Variants in PER3 observed in about 807,000 individuals in gnomAD.
PER3 encodes period circadian protein homolog 3.
In PER3, 107 loss-of-function variants were observed where a neutral mutation model predicts 127.2. That is an observed-to-expected ratio of 0.84 (90% confidence interval 0.72 to 0.99). PER3 has a LOEUF of 0.99. Ranked by LOEUF, PER3 falls within the 50% of genes least tolerant of loss-of-function variation. PER3 has a pLI of 0.00. For synonymous variants in PER3, 618 were observed against 585.8 expected, an observed-to-expected ratio of 1.05 and a Z score of -0.79; for missense variants, 1,560 against 1,525.8, an observed-to-expected ratio of 1.02 and a Z score of -0.37.
intron 10 of PER3, among the ~76,000 whole-genome samples, chr1:7,806,809 AAAAATATATATAT>A (rs1379421516): frequency 1.2e-5 from 1 of 82,022 alleles, no homozygotes; most frequent in African/African-American, 4.6e-5. Context: ...AAAAAAAAAA[AAAAATATATATAT>A]ATATATATAT....
chr1:7,786,375 C>G (rs2097090815), intron 3 of PER3, among the ~76,000 whole-genome samples: 1 of 152,172 alleles, frequency 6.6e-6, no homozygotes, highest in South Asian at 2.1e-4. Context: ...AAGCCATATT[C>G]TCTTTAGCAC....
At chr1:7,816,020 G>C (rs1176899433) in intron 13 of PER3, among the ~76,000 whole-genome samples, 1 of 120,472 alleles carries the variant, frequency 8.3e-6, no homozygotes, top group East Asian at 3.0e-4. Context: ...AAAAAAAATT[G>C]AATTGAACAA....
At position 7,786,723 on chromosome 1, in the gene PER3, A is replaced by G; in HGVS notation, c.277A>G (p.Asn93Asp). ...ALRCVHSVQA[N>D]SEFFQILSQN... ...GTTTATCTCCCTGTGTTTCTTAGCA[A>G]ACAGTGAGTTTTTCCAGATTCTCAG... The change falls in exon 4 of 22, where the codon AAC becomes GAC. Residue 93 changes from asparagine (N) to aspartate (D), a missense_variant and splice_region_variant. Physicochemically the swap from Asn to Asp is conservative, Grantham distance 23. Around this residue, in one of 3 missense-constraint regions of PER3, gnomAD observed 1,332 missense variants for 1,223.6 expected, o/e 1.09. Transcript: ENST00000377532. 2 of 1,559,640 alleles carry G rather than the reference A, an allele frequency of 1.3e-6. No individual in the cohort carries two copies. The highest frequency in any genetic ancestry group is 2.2e-5 in the South Asian group (2 of 89,948).
rs200948632 is a variant in PER3, at chr1:7,788,064, T to C, written c.410T>C (p.Phe137Ser). 4 of 1,612,506 alleles carry C rather than the reference T, an allele frequency of 2.5e-6. No homozygotes were observed. In the East Asian group the frequency reaches 8.9e-5, roughly 36 times the overall value. Residue 137 changes from phenylalanine to serine, a missense_variant, in exon 5 of 22, where the codon TTT becomes TCT. Coordinates refer to ENST00000377532, the MANE Select transcript of PER3 (RefSeq NM_001377275.1). Reference sequence around the variant, plus strand: ...TCATAGGATACCTTTGTGGCAGTATTTTCATTTCTGTCTGGAAGGTTAGTG... The same window carrying C: ...TCATAGGATACCTTTGTGGCAGTATCTTCATTTCTGTCTGGAAGGTTAGTG... ...SKNTDTFVAV[F>S]SFLSGRLVHI...
chr1:7,784,395 G>T lies in PER3; in HGVS notation c.-225+19G>T. The T allele has an allele frequency of 6.7e-6, 1 of 149,118 alleles. No individual in the cohort carries two copies. The highest frequency in any genetic ancestry group is 2.1e-4 in the South Asian group (1 of 4,770). The allele number at this position is 149,118 out of a possible 1,614,324, so 9.2% of individuals were successfully genotyped here. ...GCAGCAGGTGAGTGCGCGGCCGGGC[G>T]GGAGTTCTGGGCGGCCGGGCGGGAG... On this transcript the variant is annotated intron_variant, in intron 1 of 21. Coordinates refer to ENST00000377532, the MANE Select transcript of PER3 (RefSeq NM_001377275.1).
intron 10 of PER3, among the ~76,000 whole-genome samples, chr1:7,805,804 G>A (rs1173427436): frequency 2.0e-5 from 3 of 152,186 alleles, no homozygotes; most frequent in African/African-American, 7.2e-5. Context: ...ATACGGCCTG[G>A]ATTTCTGAAG....
At chr1:7,815,991 C>CAAAAAAAAAAAAAAAAAAAAAAAA (rs34144861) in intron 13 of PER3, among the ~76,000 whole-genome samples, 6 of 67,658 alleles carry the variant, frequency 8.9e-5, no homozygotes, top group South Asian at 5.6e-4. Flanking sequence ...GACTCCGTCT[C>CAAAAAAAAAAAAAAAAAAAAAAAA]AAAAAAAAAA....
chr1:7,828,922 A>G (rs1362242867), intron 18 of PER3, among the ~76,000 whole-genome samples: 1 of 152,116 alleles, frequency 6.6e-6, no homozygotes, highest in African/African-American at 2.4e-5. Flanking sequence ...AATGTTCGAT[A>G]TGTGTTTGCT....
chr1:7,801,831 C>T (rs1030567478), intron 8 of PER3, among the ~76,000 whole-genome samples: 3 of 152,016 alleles, frequency 2.0e-5, no homozygotes, highest in African/African-American at 7.2e-5. Context: ...CGCATTTTTT[C>T]CCCACATTTA....
rs779741832 is a variant in PER3 at position 7,829,870 on chromosome 1, C to T, written c.2923C>T (p.Pro975Ser). The T allele has an allele frequency of 1.9e-6, 3 of 1,614,198 alleles. No homozygotes were observed. Among genetic ancestry groups the T allele is most frequent in the Non-Finnish European group, 2.5e-6 (3 of 1,179,996 alleles). ...VTGNNGSESSPATTGALSTGS... is the reference protein window; with the variant it reads ...VTGNNGSESSSATTGALSTGS... Reference sequence around the variant, plus strand: ...AGGCAACAATGGCAGTGAGAGCAGTCCTGCTACTACCGGTGCACTGTCCAC... The same window carrying T: ...AGGCAACAATGGCAGTGAGAGCAGTTCTGCTACTACCGGTGCACTGTCCAC... The change falls in exon 19 of 22, where the codon CCT (proline) becomes TCT (serine). Residue 975 changes from proline to serine, a missense_variant. Coordinates refer to ENST00000377532, the MANE Select transcript of PER3 (RefSeq NM_001377275.1).
chr1:7,835,979 A>T, intron 20 of PER3, 34 bp downstream of exon 20: 1 of 1,419,826 alleles, frequency 7.0e-7, no homozygotes, highest in Non-Finnish European at 9.7e-7. Context: ...CACTTTTTAT[A>T]TTTTTGTGGT....
chr1:7,808,500 T>TA (rs988968122), intron 10 of PER3, among the ~76,000 whole-genome samples: 9 of 152,346 alleles, frequency 5.9e-5, no homozygotes, highest in African/African-American at 2.2e-4. Flanking sequence ...CAATAAACAT[T>TA]AAATGTTGTT....
At position 7,819,304 on chromosome 1, in the gene PER3, T is replaced by C. The variant is rs1356166596; in HGVS notation, c.1542T>C (p.Thr514=). The C allele has an allele frequency of 2.5e-6, 4 of 1,613,752 alleles. No homozygotes were observed. Among genetic ancestry groups the C allele is most frequent in the Non-Finnish European group, 3.4e-6 (4 of 1,179,750 alleles). Residue 514 remains threonine (T), a synonymous_variant, in exon 14 of 22, where the codon ACT becomes ACC. Transcript: ENST00000377532. ...ANGGGECKTF[T]SFHQTLKNNS... is the part of the protein sequence containing the mutation. Reference sequence around the variant, plus strand: ...TTTCAGGTGAATGTAAGACCTTTACTTCCTTCCACCAAACACTGAAAAACA... The same window carrying C: ...TTTCAGGTGAATGTAAGACCTTTACCTCCTTCCACCAAACACTGAAAAACA...
At position 7,845,088 on chromosome 1, in the gene PER3, TC is replaced by T. The variant is rs2097404555; in HGVS notation, c.*2334del. The T allele has an allele frequency of 6.6e-6, 1 of 152,392 alleles. No homozygotes were observed. Among genetic ancestry groups the T allele is most frequent in the African/African-American group, 2.4e-5 (1 of 41,476 alleles). The allele number at this position is 152,392 out of a possible 1,614,324, so 9.4% of individuals were successfully genotyped here. ...TGTTTCAACTGAATTTGTAATTAAC[TC>T]TGAATTTGTTTTTAATCATTAGTAA... On this transcript the variant is annotated 3_prime_UTR_variant, in exon 22 of 22. Transcript: ENST00000377532.
intron 21 of PER3, among the ~76,000 whole-genome samples, chr1:7,838,204 T>A (rs1410984212): frequency 6.6e-6 from 1 of 152,230 alleles, no homozygotes; most frequent in African/African-American, 2.4e-5. Flanking sequence ...TATTGTGGTA[T>A]AATACACATA....
intron 19 of PER3, among the ~76,000 whole-genome samples, chr1:7,835,494 T>C (rs2097353569): frequency 6.6e-6 from 1 of 152,140 alleles, no homozygotes; most frequent in Non-Finnish European, 1.5e-5. Context: ...GAGATGTTGA[T>C]GATTTTGGAG....
chr1:7,820,028 CA>C (rs2097268576), intron 14 of PER3, 86 bp from the exon 15 acceptor site: 1 of 1,328,698 alleles, frequency 7.5e-7, no homozygotes, highest in Admixed American at 2.0e-5. Context: ...GTATGCCAAA[CA>C]TAAGTGGCAT....
In PER3 at chr1:7,844,582, CCATTGTTTCTG is replaced by C. The variant is rs1411894560; in HGVS notation, c.*1828_*1838del. 14 of 152,796 alleles carry C rather than the reference CCATTGTTTCTG, an allele frequency of 9.2e-5. No individual in the cohort carries two copies. Among genetic ancestry groups the C allele is most frequent in the African/African-American group, 3.4e-4 (14 of 41,454 alleles). The allele number at this position is 152,796 out of a possible 1,614,324, so 9.5% of individuals were successfully genotyped here. On this transcript the variant is annotated 3_prime_UTR_variant, in exon 22 of 22. Coordinates refer to ENST00000377532, the MANE Select transcript of PER3 (RefSeq NM_001377275.1). ...GTTCTCTAATAGAAGCCTTTCTTTT[CCATTGTTTCTG>C]GATATTTGTATTATCCAAATGTGCT...
intron 17 of PER3, 31 bp from the exon 18 acceptor site, chr1:7,827,087 C>T: frequency 6.6e-7 from 1 of 1,504,784 alleles, no homozygotes; most frequent in Non-Finnish European, 8.9e-7. Flanking sequence ...GTTTAATTTT[C>T]CATAATTTGC....
Sources: gnomAD v4.1 joint callset for allele counts (sites outside exome capture counted in the v4.1 genomes callset) on GRCh38, gnomAD v4.1.1 for gene constraint, gnomAD v4.1.1 regional missense constraint, MANE v1.5 for transcripts, NCBI Gene and HGNC (gene_info 2026-07-23, HGNC 2026-07-21) for gene names.